The following ENOX2 variants were observed in gnomAD, a reference collection of about 807,000 sequenced individuals.
ENOX2 encodes the protein APK1 antigen.
A neutral mutation model predicts 45.0 loss-of-function variants in ENOX2; 36 were observed. The observed-to-expected ratio is 0.80, with a 90% confidence interval of 0.61 to 1.06. ENOX2 has a LOEUF of 1.06. ENOX2 is among the 50% of genes least tolerant of loss of function. The pLI, the probability that ENOX2 is intolerant of heterozygous loss-of-function variation, is 0.00. For synonymous variants in ENOX2, 174 were observed against 152.3 expected, an observed-to-expected ratio of 1.14 and a Z score of -1.05; for missense variants, 423 against 462.5, an observed-to-expected ratio of 0.91 and a Z score of 0.78.
intron 2 of ENOX2, among the ~76,000 whole-genome samples, chrX:130,813,824 G>A (rs1285995621): frequency 8.9e-6 from 1 of 112,032 alleles, no homozygotes; most frequent in Non-Finnish European, 1.9e-5. Context: ...GTGGGCGGCC[G>A]TTTGGGCAGA....
intron 4 of ENOX2, among the ~76,000 whole-genome samples, chrX:130,695,985 A>AT (rs1280426755): frequency 9.0e-6 from 1 of 111,197 alleles, no homozygotes; most frequent in Non-Finnish European, 1.9e-5. Flanking sequence ...AAGTTCCCAA[A>AT]TTTTTTTACA....
chrX:130,773,679 C>G (rs778647426), intron 3 of ENOX2, among the ~76,000 whole-genome samples: 325 of 112,319 alleles, frequency 2.9e-3, no homozygotes, highest in African/African-American at 9.5e-3. Flanking sequence ...AGTTGAGTAT[C>G]TCTCTAATGG....
chrX:130,790,755 T>C (rs950168730), intron 2 of ENOX2, among the ~76,000 whole-genome samples: 17 of 112,023 alleles, frequency 1.5e-4, no homozygotes, highest in African/African-American at 5.2e-4. Flanking sequence ...CAGATGCTAT[T>C]TCCTTCATGG....
chrX:130,822,251 C>T (rs1293691183), intron 2 of ENOX2, among the ~76,000 whole-genome samples: 1 of 111,062 alleles, frequency 9.0e-6, no homozygotes, highest in Non-Finnish European at 1.9e-5. Flanking sequence ...ACAGATGGTC[C>T]TTGACATATG....
At chrX:130,832,469 A>ACACC (rs752116335) in intron 2 of ENOX2, among the ~76,000 whole-genome samples, 8 of 104,953 alleles carry the variant, frequency 7.6e-5, no homozygotes, top group African/African-American at 2.5e-4. Flanking sequence ...ACACACACAC[A>ACACC]CCCCACTTGG....
intron 11 of ENOX2, among the ~76,000 whole-genome samples, chrX:130,635,729 C>A (rs928236467): frequency 5.4e-5 from 6 of 111,806 alleles, no homozygotes; most frequent in Non-Finnish European, 9.4e-5. Context: ...TTCAGATAGT[C>A]AGTGGCAGAG....
chrX:130,828,889 T>C (rs748602920), intron 2 of ENOX2, among the ~76,000 whole-genome samples: 6 of 111,954 alleles, frequency 5.4e-5, no homozygotes, highest in Non-Finnish European at 7.5e-5. Context: ...CTTCCTAGAC[T>C]GAGAACTGAG....
At chrX:130,717,576 C>T (rs988555934) in intron 3 of ENOX2, among the ~76,000 whole-genome samples, 14 of 112,108 alleles carry the variant, frequency 1.2e-4, no homozygotes, top group African/African-American at 4.5e-4. Flanking sequence ...TAGGTTTCTA[C>T]CAAAGTGCAC....
At chrX:130,625,573 G>C (rs2035521946) in intron 14 of ENOX2, 128 bp from the exon 15 acceptor site, 3 of 619,628 alleles carry the variant, frequency 4.8e-6, no homozygotes, top group Admixed American at 8.2e-5. Flanking sequence ...ACCTCCTCCT[G>C]CTCCTTGCGC....
Position 130,895,215 on chromosome X carries a change from T to C in ENOX2, c.-183+6469A>G, listed in dbSNP as rs182895791. 2.2e-4 allele frequency among the ~76,000 whole-genome samples: 25 copies of C among 111,827 alleles called. No homozygotes were observed. The East Asian group carries it at 4.8e-3, about 21-fold the overall frequency. On this transcript the variant is annotated intron_variant, in intron 2 of 14. Coordinates refer to ENST00000394363, the MANE Select transcript of ENOX2 (RefSeq NM_006375.4). ...TCAAATGTCTATTGAATGAATGAGT[T>C]TGAACATCAAGTACTCCTTGAAGTC... is the stretch of plus-strand genomic sequence containing the variant.
chrX:130,734,712 C>A (rs149480677), intron 3 of ENOX2, among the ~76,000 whole-genome samples: 304 of 112,305 alleles, frequency 2.7e-3, no homozygotes, highest in African/African-American at 9.5e-3. Flanking sequence ...ATATTAAAGA[C>A]CAGCCTTCTT....
chrX:130,634,473 G>A (rs2035874991), intron 12 of ENOX2, among the ~76,000 whole-genome samples: 1 of 111,776 alleles, frequency 8.9e-6, no homozygotes, highest in Non-Finnish European at 1.9e-5. Context: ...TTAGAATACT[G>A]TGTCTCATTT....
intron 3 of ENOX2, among the ~76,000 whole-genome samples, chrX:130,711,500 C>T (rs1327952846): frequency 9.1e-6 from 1 of 110,396 alleles, no homozygotes; most frequent in East Asian, 2.9e-4. Flanking sequence ...CAAAGAGTCA[C>T]TCAAGGGAAT....
chrX:130,779,959 C>T (rs1203419582), intron 3 of ENOX2, among the ~76,000 whole-genome samples: 1 of 111,282 alleles, frequency 9.0e-6, no homozygotes, highest in Non-Finnish European at 1.9e-5. Flanking sequence ...TAAGATGATC[C>T]AGAAGGCTTC....
chrX:130,628,091 G>A, intron 13 of ENOX2, 48 bp from the exon 14 acceptor site: 1 of 909,899 alleles, frequency 1.1e-6, no homozygotes, highest in Non-Finnish European at 1.6e-6. Context: ...TGTATTTCTC[G>A]AGGTTCCACA....
At chrX:130,668,777 C>T (rs1013898361) in intron 7 of ENOX2, among the ~76,000 whole-genome samples, 4 of 112,254 alleles carry the variant, frequency 3.6e-5, no homozygotes. Context: ...TTTATAGCAG[C>T]TTTTCACTTT....
intron 12 of ENOX2, among the ~76,000 whole-genome samples, chrX:130,632,408 GACCA>G (rs2035791170): frequency 1.1e-5 from 1 of 91,529 alleles, no homozygotes; most frequent in Non-Finnish European, 2.2e-5. Flanking sequence ...TGAAATCCAT[GACCA>G]GCAGTCAAAC....
intron 3 of ENOX2, among the ~76,000 whole-genome samples, chrX:130,738,855 C>T (rs2038917472): frequency 8.9e-6 from 1 of 111,931 alleles, no homozygotes; most frequent in Non-Finnish European, 1.9e-5. Context: ...ACAAAAGGCC[C>T]CAACTGTGCA....
At chrX:130,629,277 AGAC>A (rs1391552393) in intron 13 of ENOX2, among the ~76,000 whole-genome samples, 2 of 112,897 alleles carry the variant, frequency 1.8e-5, no homozygotes, top group Non-Finnish European at 3.7e-5. Context: ...AAGAAATTCT[AGAC>A]GTCTTGGCCA....
Sources: gnomAD v4.1 joint callset for allele counts (sites outside exome capture counted in the v4.1 genomes callset) on GRCh38, gnomAD v4.1.1 for gene constraint, MANE v1.5 for transcripts, NCBI Gene and HGNC (gene_info 2026-07-23, HGNC 2026-07-21) for gene names.